HS6ST3: variants seen among roughly 807,000 people sequenced by gnomAD.
HS6ST3 encodes heparan sulfate 6-O-sulfotransferase 3.
A neutral mutation model predicts 36.7 loss-of-function variants in HS6ST3; 12 were observed. The observed-to-expected ratio is 0.33, with a 90% CI of 0.21 to 0.53. The LOEUF (loss-of-function observed/expected upper bound fraction) is 0.53, where lower values mean the gene tolerates loss of function less well. Ranked by LOEUF, HS6ST3 falls within the 20% of genes least tolerant of loss-of-function variation. HS6ST3 has a pLI of 0.95. For synonymous variants in HS6ST3, 240 were observed against 257.5 expected, an observed-to-expected ratio of 0.93 and a Z score of 0.65; for missense variants, 584 against 640.9, an observed-to-expected ratio of 0.91 and a Z score of 0.96.
chr13:96,758,830 T>C (rs1425346461), intron 1 of HS6ST3, among the ~76,000 whole-genome samples: 3 of 151,944 alleles, frequency 2.0e-5, no homozygotes, highest in African/African-American at 7.2e-5. Context: ...GCATTCCAAC[T>C]GCTGTTGTTG....
chr13:96,647,959 T>C (rs2056594551), intron 1 of HS6ST3, among the ~76,000 whole-genome samples: 1 of 152,064 alleles, frequency 6.6e-6, no homozygotes, highest in East Asian at 1.9e-4. Context: ...TTCTTTTTAT[T>C]ATATATCCTT....
In HS6ST3 at chr13:96,211,331, C is replaced by G. The variant is rs997081544; in HGVS notation, c.707+119762C>G. Among the ~76,000 whole-genome samples, 5 of 152,314 alleles carry G rather than the reference C, an allele frequency of 3.3e-5. No homozygotes were observed. The South Asian group carries it at 1.0e-3, about 32-fold the overall frequency. On this transcript the variant is annotated intron_variant, in intron 1 of 1. Coordinates refer to ENST00000376705, the MANE Select transcript of HS6ST3 (RefSeq NM_153456.4). ...AACCTGACCACTGTTCATCTGGAGC[C>G]AGTCTTGCCTCACCCACCCACTCTG...
chr13:96,523,118 T>A (rs1294305780), intron 1 of HS6ST3, among the ~76,000 whole-genome samples: 1 of 152,218 alleles, frequency 6.6e-6, no homozygotes, highest in African/African-American at 2.4e-5. Context: ...CCTTCACTTA[T>A]GAAGCTTAGT....
At chr13:96,173,254 A>G (rs1004445636) in intron 1 of HS6ST3, among the ~76,000 whole-genome samples, 1 of 152,220 alleles carries the variant, frequency 6.6e-6, no homozygotes, top group Non-Finnish European at 1.5e-5. Flanking sequence ...TTACAGAAGA[A>G]GAAACTGAGT....
chr13:96,217,840 A>G (rs11618831), intron 1 of HS6ST3, among the ~76,000 whole-genome samples: 9,933 of 152,226 alleles, frequency 0.065, 456 homozygotes, highest in Middle Eastern at 0.12. Flanking sequence ...GTTTATGTGT[A>G]TAGTTAGATA....
At chr13:96,518,038 A>C (rs890293007) in intron 1 of HS6ST3, among the ~76,000 whole-genome samples, 15 of 152,316 alleles carry the variant, frequency 9.8e-5, no homozygotes, top group African/African-American at 2.9e-4. Flanking sequence ...ATAAAAAAGA[A>C]TGGGATTGTG....
chr13:96,660,140 A>G (rs1354491358), intron 1 of HS6ST3, among the ~76,000 whole-genome samples: 1 of 152,124 alleles, frequency 6.6e-6, no homozygotes, highest in Non-Finnish European at 1.5e-5. Context: ...TTTAATGAAG[A>G]AAGCCTCTAT....
chr13:96,545,869 A>C (rs1357372181), intron 1 of HS6ST3, among the ~76,000 whole-genome samples: 1 of 152,136 alleles, frequency 6.6e-6, no homozygotes, highest in Non-Finnish European at 1.5e-5. Flanking sequence ...GGAAGTAGAA[A>C]AAGCAGTCCA....
chr13:96,650,281 G>A (rs1050151605), intron 1 of HS6ST3, among the ~76,000 whole-genome samples: 5 of 152,040 alleles, frequency 3.3e-5, no homozygotes, highest in African/African-American at 9.7e-5. Flanking sequence ...AATGCCAATC[G>A]TTTTGTTCTT....
intron 1 of HS6ST3, among the ~76,000 whole-genome samples, chr13:96,614,799 T>C (rs879836434): frequency 2.0e-5 from 3 of 152,198 alleles, no homozygotes; most frequent in Non-Finnish European, 2.9e-5. Context: ...AATTTCTTTC[T>C]GTTAGAATTG....
intron 1 of HS6ST3, among the ~76,000 whole-genome samples, chr13:96,554,606 C>A (rs569988088): frequency 6.6e-6 from 1 of 152,156 alleles, no homozygotes; most frequent in Non-Finnish European, 1.5e-5. Flanking sequence ...TAACATTGCA[C>A]AAAATCCCAT....
At chr13:96,469,847 C>T (rs139394865) in intron 1 of HS6ST3, among the ~76,000 whole-genome samples, 43 of 152,162 alleles carry the variant, frequency 2.8e-4, no homozygotes, top group African/African-American at 8.9e-4. Context: ...GTCTGGGAAA[C>T]GTGACTGGTA....
intron 1 of HS6ST3, among the ~76,000 whole-genome samples, chr13:96,379,786 A>C (rs978110925): frequency 6.6e-6 from 1 of 152,110 alleles, no homozygotes; most frequent in Admixed American, 6.5e-5. Context: ...ATTATTACAG[A>C]CTTACGTTTG....
intron 1 of HS6ST3, among the ~76,000 whole-genome samples, chr13:96,784,787 C>G (rs1199892547): frequency 1.3e-5 from 2 of 152,088 alleles, no homozygotes; most frequent in Non-Finnish European, 2.9e-5. Context: ...GTAATAGAAA[C>G]AGTGTTCCAT....
At chr13:96,134,084 T>C (rs2053989617) in intron 1 of HS6ST3, among the ~76,000 whole-genome samples, 1 of 152,186 alleles carries the variant, frequency 6.6e-6, no homozygotes, top group African/African-American at 2.4e-5. Context: ...TGAAATCCAG[T>C]TGACTGTAAG....
rs181548990 is a variant in HS6ST3 at position 96,618,821 on chromosome 13, C to T, written c.708-213669C>T. On this transcript the variant is annotated intron_variant, in intron 1 of 1. Transcript: ENST00000376705. ...GCATAGCACACAGGCATATGATGGA[C>T]CCATAGTACACATTTATGGATGACC... Among the ~76,000 whole-genome samples, 12 of 152,246 alleles carry T rather than the reference C, an allele frequency of 7.9e-5. No homozygotes were observed. In the East Asian group the frequency reaches 2.1e-3, roughly 27 times the overall value.
intron 1 of HS6ST3, among the ~76,000 whole-genome samples, chr13:96,538,421 G>GT (rs1486957617): frequency 3.9e-5 from 6 of 152,166 alleles, no homozygotes; most frequent in African/African-American, 1.4e-4. Flanking sequence ...ATATATCCCA[G>GT]TGAAACATTT....
At position 96,429,731 on chromosome 13, in the gene HS6ST3, C is replaced by T. The variant is rs944623042; in HGVS notation, c.707+338162C>T. On this transcript the variant is annotated intron_variant, in intron 1 of 1. Transcript: ENST00000376705. ...GGTTTTTAAGCTTAAATTCCTAACCCTCTAAGAATTCAGGTAAAGCAGATA... is the reference window on the plus strand; with the variant it reads ...GGTTTTTAAGCTTAAATTCCTAACCTTCTAAGAATTCAGGTAAAGCAGATA... 5.3e-5 allele frequency among the ~76,000 whole-genome samples: 8 copies of T among 152,240 alleles called. No homozygotes were observed. The East Asian group carries it at 7.7e-4, about 15-fold the overall frequency.
chr13:96,757,618 A>G (rs1463091510), intron 1 of HS6ST3, among the ~76,000 whole-genome samples: 3 of 152,154 alleles, frequency 2.0e-5, no homozygotes, highest in African/African-American at 7.2e-5. Flanking sequence ...GTTTTTGTAG[A>G]TACGCATTAT....
Sources: allele counts gnomAD v4.1 joint callset (sites outside exome capture counted in the v4.1 genomes callset), GRCh38; gene constraint gnomAD v4.1.1; transcripts MANE v1.5; gene names NCBI Gene and HGNC (gene_info 2026-07-23, HGNC 2026-07-21).